The following NUAK1 variants were observed in gnomAD, a reference collection of about 807,000 sequenced individuals.
NUAK1 encodes the protein NUAK family kinase 1.
A neutral mutation model predicts 56.9 loss-of-function variants in NUAK1; 26 were observed. The observed-to-expected ratio is 0.46, with a 90% CI of 0.33 to 0.63. The LOEUF (loss-of-function observed/expected upper bound fraction) is 0.63, where lower values mean the gene tolerates loss of function less well. Among genes scored for constraint, NUAK1 ranks in the 30% least tolerant of loss-of-function variants. The pLI, the probability that NUAK1 is intolerant of heterozygous loss-of-function variation, is 0.02. For synonymous variants in NUAK1, 337 were observed against 336.0 expected, an observed-to-expected ratio of 1.00 and a Z score of -0.03; for missense variants, 727 against 876.1, an observed-to-expected ratio of 0.83 and a Z score of 2.15.
At chr12:106,116,825 C>T (rs2032921644) in intron 1 of NUAK1, among the ~76,000 whole-genome samples, 2 of 152,226 alleles carry the variant, frequency 1.3e-5, no homozygotes, top group African/African-American at 2.4e-5. Context: ...TTCAAAAGCA[C>T]ATCTATCAAT....
chr12:106,113,076 T>C lies in NUAK1; in HGVS notation c.241-6551A>G, dbSNP rs1368356794. Among the ~76,000 whole-genome samples the C allele has an allele frequency of 2.0e-5, 3 of 152,328 alleles. No individual in the cohort carries two copies. The East Asian group carries it at 5.8e-4, about 29-fold the overall frequency. On this transcript the variant is annotated intron_variant, in intron 1 of 6. Coordinates refer to ENST00000261402, the MANE Select transcript of NUAK1 (RefSeq NM_014840.3). The stretch of plus-strand genomic sequence containing the variant: ...GGCCAGCTCAGGAGGACCTCAGGGC[T>C]GGGACATTTTTATCTACAGGGACAG...
intron 1 of NUAK1, among the ~76,000 whole-genome samples, chr12:106,132,422 G>A (rs12580473): frequency 6.6e-6 from 1 of 152,194 alleles, no homozygotes; most frequent in East Asian, 1.9e-4. Flanking sequence ...TATCTTTGCA[G>A]GATGGATTCA....
intron 1 of NUAK1, among the ~76,000 whole-genome samples, chr12:106,118,904 C>G (rs2032946860): frequency 1.3e-5 from 2 of 152,198 alleles, no homozygotes; most frequent in African/African-American, 4.8e-5. Context: ...GTAAATAAGA[C>G]CATCCTTCCC....
chr12:106,111,030 G>A (rs2032853311), intron 1 of NUAK1, among the ~76,000 whole-genome samples: 1 of 152,262 alleles, frequency 6.6e-6, no homozygotes, highest in African/African-American at 2.4e-5. Context: ...GAAGGGCTGG[G>A]GGATGCAGAG....
intron 2 of NUAK1, among the ~76,000 whole-genome samples, chr12:106,096,166 T>C (rs1001789553): frequency 1.3e-5 from 2 of 152,082 alleles, no homozygotes; most frequent in Non-Finnish European, 2.9e-5. Flanking sequence ...CTTTTTTTTT[T>C]CTTTAAAAAT....
Position 106,138,640 on chromosome 12 carries a change from G to C in NUAK1, c.14C>G (p.Ala5Gly), listed in dbSNP as rs756547098. Reference sequence around the variant, plus strand: ...GGGGCGGTCCCCCGCCACAGGCGCGGCGGCCCCTTCCATGTCCAAGCGCGG... The same window carrying C: ...GGGGCGGTCCCCCGCCACAGGCGCGCCGGCCCCTTCCATGTCCAAGCGCGG... The part of the protein sequence containing the change: MEGA[A>G]APVAGDRPDL... Residue 5 changes from alanine to glycine, a missense_variant, in exon 1 of 7, where the codon GCC (alanine) becomes GGC (glycine). By Grantham distance (60) the Ala-to-Gly change is moderately conservative (BLOSUM62 0). Coordinates refer to ENST00000261402, the MANE Select transcript of NUAK1 (RefSeq NM_014840.3). This position sits in a 1 kb window ranked among gnomAD's most constrained non-coding sequence, Gnocchi z 5.0. 7 of 1,543,680 alleles carry C rather than the reference G, an allele frequency of 4.5e-6. No homozygotes were observed. In the East Asian group the frequency reaches 1.6e-4, roughly 36 times the overall value.
At chr12:106,123,860 TG>T in intron 1 of NUAK1, among the ~76,000 whole-genome samples, 1 of 152,208 alleles carries the variant, frequency 6.6e-6, no homozygotes, top group Non-Finnish European at 1.5e-5. Flanking sequence ...AACGTCCCAC[TG>T]GGCCCGAGAC....
chr12:106,137,878 T>G (rs1335297340), intron 1 of NUAK1, among the ~76,000 whole-genome samples: 1 of 152,134 alleles, frequency 6.6e-6, no homozygotes, highest in Non-Finnish European at 1.5e-5. Context: ...CAGGCAAGAG[T>G]CGCCCTCCCT....
rs1258483545 is a variant in NUAK1 at position 106,067,444 on chromosome 12, T to C, written c.1344A>G (p.Ala448=). 1.2e-6 allele frequency: 2 copies of C among 1,614,124 alleles called. No individual in the cohort carries two copies. Among genetic ancestry groups the C allele is most frequent in the African/African-American group, 2.7e-5 (2 of 74,936 alleles). ...TGVLLPSSPE[A]EVPGKLSPKQ... Reference sequence around the variant, plus strand: ...TGGGGCTGAGTTTTCCCGGCACCTCTGCCTCTGGTGAGCTTGGGAGGAGCA... The same window carrying C: ...TGGGGCTGAGTTTTCCCGGCACCTCCGCCTCTGGTGAGCTTGGGAGGAGCA... Residue 448 remains alanine, a synonymous_variant, in exon 7 of 7, where the codon GCA becomes GCG. Coordinates refer to ENST00000261402, the MANE Select transcript of NUAK1 (RefSeq NM_014840.3). This position sits in a 1 kb window ranked among gnomAD's most constrained non-coding sequence, Gnocchi z 6.0.
intron 4 of NUAK1, among the ~76,000 whole-genome samples, chr12:106,078,884 C>T (rs932158598): frequency 6.6e-5 from 10 of 152,190 alleles, no homozygotes; most frequent in African/African-American, 1.9e-4. Flanking sequence ...GGCCATCAGC[C>T]ACCATTAGCA....
intron 1 of NUAK1, among the ~76,000 whole-genome samples, chr12:106,116,581 G>A (rs1407303415): frequency 3.9e-5 from 6 of 152,284 alleles, no homozygotes; most frequent in East Asian, 1.9e-4. Context: ...GTTAAGTAAC[G>A]TGCCCTAAGG....
intron 2 of NUAK1, among the ~76,000 whole-genome samples, chr12:106,104,665 T>C (rs1431919919): frequency 6.6e-6 from 1 of 152,178 alleles, no homozygotes; most frequent in African/African-American, 2.4e-5. Flanking sequence ...GTTTGTGATG[T>C]AAATAAAAGA....
At position 106,067,120 on chromosome 12, in the gene NUAK1, G is replaced by A. The variant is rs1460898939; in HGVS notation, c.1668C>T (p.Val556=). 1.2e-6 allele frequency: 2 copies of A among 1,614,116 alleles called. No individual in the cohort carries two copies. Among genetic ancestry groups the A allele is most frequent in the Non-Finnish European group, 1.7e-6 (2 of 1,180,060 alleles). The change falls in exon 7 of 7, where the codon GTC becomes GTT. Residue 556 remains valine (V), a synonymous_variant. Transcript: ENST00000261402. The surrounding 1 kb of genome is among the most constrained non-coding windows in gnomAD (Gnocchi z 6.0). The part of the protein sequence containing the change: ...PTLESLSEPG[V]PAEGLSRSYS... Reference sequence around the variant, plus strand: ...AGCTCCGGGAGAGGCCCTCGGCAGGGACACCAGGCTCTGACAGGGATTCCA... The same window carrying A: ...AGCTCCGGGAGAGGCCCTCGGCAGGAACACCAGGCTCTGACAGGGATTCCA...
chr12:106,114,636 A>G (rs2032897946), intron 1 of NUAK1, among the ~76,000 whole-genome samples: 1 of 152,202 alleles, frequency 6.6e-6, no homozygotes, highest in East Asian at 1.9e-4. Flanking sequence ...TACAGGCCCC[A>G]AGTTCACGAA....
intron 1 of NUAK1, among the ~76,000 whole-genome samples, chr12:106,121,630 A>G (rs548220982): frequency 2.0e-5 from 3 of 152,292 alleles, no homozygotes. Context: ...GGTGCCTGCA[A>G]TCCCAGCTAC....
intron 1 of NUAK1, among the ~76,000 whole-genome samples, chr12:106,113,248 G>A (rs2032883120): frequency 6.6e-6 from 1 of 152,132 alleles, no homozygotes; most frequent in African/African-American, 2.4e-5. Flanking sequence ...GTTGAGGTTT[G>A]TAAACATAAG....
At chr12:106,081,243 G>A (rs955316722) in intron 4 of NUAK1, among the ~76,000 whole-genome samples, 2 of 131,938 alleles carry the variant, frequency 1.5e-5, no homozygotes, top group Non-Finnish European at 3.2e-5. Context: ...GTGATCGTGG[G>A]CATTATCCTC....
intron 2 of NUAK1, among the ~76,000 whole-genome samples, chr12:106,098,486 A>G (rs2136468067): frequency 6.6e-6 from 1 of 152,304 alleles, no homozygotes; most frequent in East Asian, 1.9e-4. Flanking sequence ...GAGGCTTCCT[A>G]CTTTGTCCCA....
chr12:106,075,988 T>A (rs191295799), intron 4 of NUAK1, among the ~76,000 whole-genome samples: 40 of 152,338 alleles, frequency 2.6e-4, no homozygotes, highest in African/African-American at 8.9e-4. Flanking sequence ...CCACTTAAGG[T>A]AATTATTTAG....
Sources: gnomAD v4.1 joint callset for allele counts (sites outside exome capture counted in the v4.1 genomes callset) on GRCh38, gnomAD v4.1.1 for gene constraint, Gnocchi (gnomAD v3.1) non-coding constraint, MANE v1.5 for transcripts, NCBI Gene and HGNC (gene_info 2026-07-23, HGNC 2026-07-21) for gene names.